Variants in PPP1R13B observed in about 807,000 individuals in gnomAD.
PPP1R13B encodes the protein protein phosphatase 1 regulatory subunit 13B, also known as apoptosis-stimulating of p53 protein 1.
A neutral mutation model predicts 119.8 loss-of-function variants in PPP1R13B; 44 were observed. The observed-to-expected ratio is 0.37, with a 90% CI of 0.29 to 0.47. The LOEUF (loss-of-function observed/expected upper bound fraction) is 0.47. Ranked by LOEUF, PPP1R13B falls within the 20% of genes least tolerant of loss-of-function variation. The pLI is 0.99. For synonymous variants in PPP1R13B, 542 were observed against 561.5 expected, an observed-to-expected ratio of 0.97 and a Z score of 0.49; for missense variants, 1,227 against 1,413.5, an observed-to-expected ratio of 0.87 and a Z score of 2.12.
chr14:103,838,275 C>G (rs1308818085), intron 1 of PPP1R13B, among the ~76,000 whole-genome samples: 1 of 151,904 alleles, frequency 6.6e-6, no homozygotes, highest in Non-Finnish European at 1.5e-5. Flanking sequence ...TCCAACAGGA[C>G]CTTCCACATC....
intron 2 of PPP1R13B, among the ~76,000 whole-genome samples, chr14:103,793,004 A>G (rs2085661980): frequency 6.6e-6 from 1 of 150,790 alleles, no homozygotes; most frequent in African/African-American, 2.4e-5. Flanking sequence ...CCTGGGAGGC[A>G]GAGGTTGCAG....
intron 7 of PPP1R13B, among the ~76,000 whole-genome samples, chr14:103,751,172 AAAAC>A (rs1472225424): frequency 8.5e-5 from 13 of 152,098 alleles, no homozygotes; most frequent in East Asian, 3.9e-4. Flanking sequence ...AACAACAACA[AAAAC>A]AAACAAACAA....
chr14:103,828,555 C>G (rs2086602143), intron 1 of PPP1R13B, among the ~76,000 whole-genome samples: 1 of 152,108 alleles, frequency 6.6e-6, no homozygotes, highest in African/African-American at 2.4e-5. Context: ...AAACTTGGAG[C>G]AGACACAGAG....
chr14:103,751,934 C>CCAG (rs2084558153), intron 7 of PPP1R13B, among the ~76,000 whole-genome samples: 1 of 152,146 alleles, frequency 6.6e-6, no homozygotes, highest in Admixed American at 6.6e-5. Flanking sequence ...AAATATCACC[C>CCAG]TAAGTTTAAT....
At chr14:103,808,559 T>C (rs1041211597) in intron 1 of PPP1R13B, among the ~76,000 whole-genome samples, 5 of 152,314 alleles carry the variant, frequency 3.3e-5, no homozygotes, top group Admixed American at 6.5e-5. Context: ...CCCGGTGCCA[T>C]GGGTTGGACA....
intron 4 of PPP1R13B, among the ~76,000 whole-genome samples, chr14:103,761,296 A>T (rs2151991782): frequency 7.5e-6 from 1 of 133,124 alleles, no homozygotes; most frequent in East Asian, 2.2e-4. Context: ...AAAAAAAAAA[A>T]AAAGAATTTT....
chr14:103,813,330 T>C (rs2086203518), intron 1 of PPP1R13B, among the ~76,000 whole-genome samples: 1 of 152,088 alleles, frequency 6.6e-6, no homozygotes, highest in Non-Finnish European at 1.5e-5. Flanking sequence ...AAAACTTCTA[T>C]AAAAAATAAG....
intron 1 of PPP1R13B, among the ~76,000 whole-genome samples, chr14:103,808,972 G>A (rs2086084940): frequency 6.6e-6 from 1 of 152,018 alleles, no homozygotes; most frequent in African/African-American, 2.4e-5. Context: ...AGGCTCAAGT[G>A]ATCCTCCCTC....
chr14:103,802,166 C>T (rs1020248085), intron 1 of PPP1R13B, among the ~76,000 whole-genome samples: 1 of 152,090 alleles, frequency 6.6e-6, no homozygotes, highest in Non-Finnish European at 1.5e-5. Context: ...TCCAATGTGA[C>T]TTCACAATCT....
intron 1 of PPP1R13B, among the ~76,000 whole-genome samples, chr14:103,815,900 G>A (rs534874808): frequency 1.2e-4 from 18 of 151,982 alleles, no homozygotes; most frequent in Middle Eastern, 3.4e-3. Context: ...TGGCTAACAC[G>A]GTAAAACCCC....
At chr14:103,785,517 C>CTTT (rs57736391) in intron 2 of PPP1R13B, among the ~76,000 whole-genome samples, 9 of 120,180 alleles carry the variant, frequency 7.5e-5, no homozygotes, top group East Asian at 2.4e-4. Context: ...CACACTCAGC[C>CTTT]TTTTTTTTTT....
intron 1 of PPP1R13B, among the ~76,000 whole-genome samples, chr14:103,802,668 T>C (rs1430054457): frequency 2.0e-5 from 3 of 152,180 alleles, no homozygotes; most frequent in Non-Finnish European, 4.4e-5. Flanking sequence ...CGGAATTCTT[T>C]ATGAATGCAT....
intron 1 of PPP1R13B, among the ~76,000 whole-genome samples, chr14:103,820,652 ATTTTTT>A (rs35928276): frequency 1.2e-4 from 12 of 102,592 alleles, no homozygotes; most frequent in African/African-American, 2.9e-4. Context: ...CATGCCCAGG[ATTTTTT>A]TTTTTTTTTT....
At chr14:103,789,417 C>T (rs1157695750) in intron 2 of PPP1R13B, among the ~76,000 whole-genome samples, 1 of 151,896 alleles carries the variant, frequency 6.6e-6, no homozygotes, top group African/African-American at 2.4e-5. Flanking sequence ...GGTTTCACCA[C>T]GTTGACCAGG....
At chr14:103,820,713 G>A (rs2152068813) in intron 1 of PPP1R13B, among the ~76,000 whole-genome samples, 1 of 143,566 alleles carries the variant, frequency 7.0e-6, no homozygotes, top group Middle Eastern at 3.7e-3. Flanking sequence ...GCCCAGGCTG[G>A]TCTCCAACTC....
chr14:103,735,337 C>A lies in PPP1R13B; in HGVS notation c.3232-142G>T, dbSNP rs144615054. On this transcript the variant is annotated intron_variant, in intron 16 of 16. Transcript: ENST00000202556. ...CCCTCAGGCCTACGCTCAGCTGCAC[C>A]TCTACACTGAGACCCACCCAGCCCT... 4.6e-5 allele frequency: 35 copies of A among 766,384 alleles called. No individual in the cohort carries two copies. The African/African-American group carries it at 6.0e-4, about 13-fold the overall frequency. The allele number at this position is 766,384 out of a possible 1,614,324, so 47.5% of individuals were successfully genotyped here.
chr14:103,841,769 A>G (rs1416597350), intron 1 of PPP1R13B, among the ~76,000 whole-genome samples: 1 of 152,208 alleles, frequency 6.6e-6, no homozygotes, highest in Non-Finnish European at 1.5e-5. Context: ...TTCGGAAATG[A>G]AAGAGTTTAC....
At chr14:103,795,924 C>T (rs2085747428) in intron 2 of PPP1R13B, among the ~76,000 whole-genome samples, 1 of 152,138 alleles carries the variant, frequency 6.6e-6, no homozygotes, top group South Asian at 2.1e-4. Flanking sequence ...TATATACCCA[C>T]AAGGGACTTG....
chr14:103,758,954 C>G (rs1158446294), intron 4 of PPP1R13B, among the ~76,000 whole-genome samples: 1 of 146,616 alleles, frequency 6.8e-6, no homozygotes, highest in Non-Finnish European at 1.5e-5. Context: ...CAGGATTTAA[C>G]AGTCTTTTTT....
Sources: allele counts gnomAD v4.1 joint callset (sites outside exome capture counted in the v4.1 genomes callset), GRCh38; gene constraint gnomAD v4.1.1; transcripts MANE v1.5; gene names NCBI Gene and HGNC (gene_info 2026-07-23, HGNC 2026-07-21).